The following SLC17A6 variants were observed in gnomAD, a reference collection of about 807,000 sequenced individuals.
The protein encoded by SLC17A6 is vesicular glutamate transporter 2.
A neutral mutation model predicts 67.1 loss-of-function variants in SLC17A6; 35 were observed. The observed-to-expected ratio is 0.52, with a 90% CI of 0.40 to 0.69. The LOEUF is 0.69. Among genes scored for constraint, SLC17A6 ranks in the 30% least tolerant of loss-of-function variants. The pLI is 0.00. For synonymous variants in SLC17A6, 285 were observed against 252.3 expected (o/e 1.13, Z -1.23); for missense variants, 588 against 723.9 (o/e 0.81, Z 2.15).
chr11:22,362,296 C>A, intron 5 of SLC17A6: 1 of 384,242 alleles, frequency 2.6e-6, no homozygotes, highest in Non-Finnish European at 5.1e-6. Context: ...AGACCGCTGG[C>A]AGAGAAAAAC....
intron 3 of SLC17A6, among the ~76,000 whole-genome samples, chr11:22,347,290 T>C (rs1464108892): frequency 6.6e-6 from 1 of 152,026 alleles, no homozygotes; most frequent in Non-Finnish European, 1.5e-5. Flanking sequence ...AAACTGTAGG[T>C]TCAGGCTCTT....
intron 6 of SLC17A6, among the ~76,000 whole-genome samples, chr11:22,363,948 T>C (rs1856080152): frequency 6.6e-6 from 1 of 152,170 alleles, no homozygotes; most frequent in African/African-American, 2.4e-5. Context: ...TGTGTCTTTG[T>C]CCATTACTTA....
In SLC17A6 at chr11:22,374,380, C is replaced by T. The variant is rs565544025; in HGVS notation, c.1042-375C>T. Among the ~76,000 whole-genome samples the T allele has an allele frequency of 5.9e-5, 9 of 152,224 alleles. No individual in the cohort carries two copies. The South Asian group carries it at 1.9e-3, about 32-fold the overall frequency. ...AATTAAACATGAATTTAAAATACAGCTTCTTCAGGATGTGACAAATGTATT... is the reference window on the plus strand; with the variant it reads ...AATTAAACATGAATTTAAAATACAGTTTCTTCAGGATGTGACAAATGTATT... On this transcript the variant is annotated intron_variant, in intron 8 of 11. Coordinates refer to ENST00000263160, the MANE Select transcript of SLC17A6 (RefSeq NM_020346.3).
chr11:22,377,475 C>T lies in SLC17A6; in HGVS notation c.1484C>T (p.Ala495Val), dbSNP rs776045612. The T allele has an allele frequency of 6.2e-6, 10 of 1,613,928 alleles. No homozygotes were observed. The highest frequency in any genetic ancestry group is 2.7e-5 in the African/African-American group (2 of 74,852). ...LVHYGGVIFY[A>V]IFASGEKQPW... ...CACTATGGTGGAGTTATATTTTATG[C>T]AATATTTGCCTCAGGAGAGAAACAA... is the stretch of plus-strand genomic sequence containing the variant. The change falls in exon 12 of 12, where the codon GCA becomes GTA. Residue 495 changes from alanine to valine, a missense_variant. Coordinates refer to ENST00000263160, the MANE Select transcript of SLC17A6 (RefSeq NM_020346.3).
intron 5 of SLC17A6, among the ~76,000 whole-genome samples, chr11:22,361,795 G>GT (rs1309126353): frequency 2.0e-5 from 3 of 152,096 alleles, no homozygotes; most frequent in African/African-American, 7.2e-5. Context: ...CAGAATGCAC[G>GT]TTTTACTCTT....
At chr11:22,369,551 T>TGACTTCAGGTA (rs1856151090) in intron 7 of SLC17A6, among the ~76,000 whole-genome samples, 1 of 151,954 alleles carries the variant, frequency 6.6e-6, no homozygotes, top group South Asian at 2.1e-4. Context: ...GTAGAATAAT[T>TGACTTCAGGTA]GACTTCAGGT....
chr11:22,374,895 C>A lies in SLC17A6; in HGVS notation c.1174+8C>A, dbSNP rs746068862. 4 of 1,607,418 alleles carry A rather than the reference C, an allele frequency of 2.5e-6. No homozygotes were observed. The South Asian group carries it at 4.5e-5, about 18-fold the overall frequency. On this transcript the variant is annotated splice_region_variant and intron_variant, in intron 9 of 11. Coordinates refer to ENST00000263160, the MANE Select transcript of SLC17A6 (RefSeq NM_020346.3). ...AGATCATGAATTGTGGTGGTAAGTA[C>A]ATAAGTGGCACTAAGGACATGTTTT...
chr11:22,365,816 T>A, intron 7 of SLC17A6, 127 bp downstream of exon 7: 1 of 1,000,146 alleles, frequency 1.0e-6, no homozygotes, highest in East Asian at 2.6e-5. Context: ...TCTTTTATTT[T>A]GGTCCATCCA....
intron 11 of SLC17A6, among the ~76,000 whole-genome samples, chr11:22,377,031 A>G (rs1311878470): frequency 6.6e-6 from 1 of 152,194 alleles, no homozygotes; most frequent in Non-Finnish European, 1.5e-5. Flanking sequence ...GAACAATATT[A>G]TCATCAGCTA....
At chr11:22,362,256 A>T in intron 5 of SLC17A6, 1 of 472,828 alleles carries the variant, frequency 2.1e-6, no homozygotes, top group South Asian at 1.8e-5. Flanking sequence ...AACTGAAGCA[A>T]TATGCCTTCA....
chr11:22,350,953 A>C lies in SLC17A6; in HGVS notation c.458+7588A>C, dbSNP rs1855930983. 4.6e-5 allele frequency among the ~76,000 whole-genome samples: 7 copies of C among 152,286 alleles called. No individual in the cohort carries two copies. The South Asian group carries it at 1.5e-3, about 32-fold the overall frequency. On this transcript the variant is annotated intron_variant, in intron 3 of 11. Coordinates refer to ENST00000263160, the MANE Select transcript of SLC17A6 (RefSeq NM_020346.3). Reference sequence around the variant, plus strand: ...TAGTTTGTTTTCATATATAGTGATAAAAATATACTGCCTGATATTATATAA... The same window carrying C: ...TAGTTTGTTTTCATATATAGTGATACAAATATACTGCCTGATATTATATAA...
rs1856026388 is a variant in SLC17A6, at chr11:22,359,536, C to T, written c.573+9C>T. On this transcript the variant is annotated intron_variant, in intron 4 of 11. Transcript: ENST00000263160. ...TGCAGGGACTTGTTGAGGTATGTAACTTCAGGGTGAAGCCTTTTTAAGATT... is the reference window on the plus strand; with the variant it reads ...TGCAGGGACTTGTTGAGGTATGTAATTTCAGGGTGAAGCCTTTTTAAGATT... 1 of 1,537,290 alleles carries T rather than the reference C, an allele frequency of 6.5e-7. No individual in the cohort carries two copies. The highest frequency in any genetic ancestry group is 8.8e-7 in the Non-Finnish European group (1 of 1,135,848).
intron 6 of SLC17A6, among the ~76,000 whole-genome samples, chr11:22,363,462 T>C (rs1035194019): frequency 6.6e-6 from 1 of 152,220 alleles, no homozygotes; most frequent in Non-Finnish European, 1.5e-5. Context: ...AGAGGCACTT[T>C]TTAATGATGA....
At chr11:22,372,445 T>G (rs1418112290) in intron 8 of SLC17A6, among the ~76,000 whole-genome samples, 1 of 151,550 alleles carries the variant, frequency 6.6e-6, no homozygotes, top group East Asian at 1.9e-4. Flanking sequence ...ATGTAACATA[T>G]TCAGGCCCTT....
chr11:22,377,726 G>A lies in SLC17A6; in HGVS notation c.1735G>A (p.Val579Ile), dbSNP rs766467653. 11 of 1,570,270 alleles carry A rather than the reference G, an allele frequency of 7.0e-6. No homozygotes were observed. In the Admixed American group the frequency reaches 7.7e-5, roughly 11 times the overall value. The part of the protein sequence containing the change: ...VQDSHSYKDR[V>I]DYS ...AGACTCACATAGCTATAAGGACCGA[G>A]TTGATTATTCATAACAAAACTAATT... Residue 579 changes from valine to isoleucine, a missense_variant, in exon 12 of 12, where the codon GTT (valine) becomes ATT (isoleucine). Coordinates refer to ENST00000263160, the MANE Select transcript of SLC17A6 (RefSeq NM_020346.3).
chr11:22,368,596 A>T (rs1856139119), intron 7 of SLC17A6, among the ~76,000 whole-genome samples: 2 of 152,064 alleles, frequency 1.3e-5, no homozygotes, highest in African/African-American at 4.8e-5. Context: ...CTTAGGAAAG[A>T]TGATCCTGGT....
intron 1 of SLC17A6, among the ~76,000 whole-genome samples, chr11:22,340,392 C>T (rs1175695191): frequency 6.6e-6 from 1 of 152,252 alleles, no homozygotes; most frequent in African/African-American, 2.4e-5. Context: ...GACTAGAACA[C>T]TACCACCTTT....
intron 2 of SLC17A6, 104 bp downstream of exon 2, chr11:22,341,884 T>C: frequency 6.7e-7 from 1 of 1,498,330 alleles, no homozygotes; most frequent in South Asian, 1.3e-5. Flanking sequence ...AGAGGAAGGT[T>C]TGGGTGCTCC....
At chr11:22,350,557 G>A (rs1004936887) in intron 3 of SLC17A6, among the ~76,000 whole-genome samples, 24 of 152,064 alleles carry the variant, frequency 1.6e-4, no homozygotes, top group African/African-American at 5.8e-4. Flanking sequence ...CACAGCGACT[G>A]TAATACTGTC....
Sources: gnomAD v4.1 joint callset for allele counts (sites outside exome capture counted in the v4.1 genomes callset) on GRCh38, gnomAD v4.1.1 for gene constraint, MANE v1.5 for transcripts, NCBI Gene and HGNC (gene_info 2026-07-23, HGNC 2026-07-21) for gene names.